Variants in LRRC18 observed in about 807,000 individuals in gnomAD.
LRRC18 encodes the protein leucine-rich repeat-containing protein 18.
In LRRC18, 12 loss-of-function variants were observed where a neutral mutation model predicts 11.2. The ratio of observed to expected loss-of-function variants is 1.07; its 90% CI spans 0.69 to 1.74. The LOEUF is 1.74. Ranked by LOEUF, LRRC18 falls within the 40% of genes most tolerant of loss-of-function variation. The pLI is 0.00. For synonymous variants in LRRC18, 155 were observed against 130.6 expected (o/e 1.19, Z -1.27); for missense variants, 374 against 330.5 (o/e 1.13, Z -1.02).
At chr10:48,928,771 C>T in the LRRC18 span, among the ~76,000 whole-genome samples, 4 of 152,176 alleles carry the variant, frequency 2.6e-5, no homozygotes, top group Non-Finnish European at 4.4e-5. Context: ...CTTTGCTGAC[C>T]GCCTATCACC....
At chr10:48,918,326 T>G (rs1838737631), upstream of LRRC18, among the ~76,000 whole-genome samples, 1 of 152,184 alleles carries the variant, frequency 6.6e-6, no homozygotes, top group Non-Finnish European at 1.5e-5. Context: ...AATTGTATGT[T>G]GTCTATAAAG....
chr10:48,911,345 C>A (rs1282639633), intron 1 of LRRC18, among the ~76,000 whole-genome samples: 1 of 152,226 alleles, frequency 6.6e-6, no homozygotes, highest in East Asian at 1.9e-4. Context: ...GTGTGTAAAC[C>A]TTTTATGAGC....
At chr10:48,929,857 A>T in the LRRC18 span, among the ~76,000 whole-genome samples, 2 of 152,156 alleles carry the variant, frequency 1.3e-5, no homozygotes, top group Non-Finnish European at 2.9e-5. Context: ...ATCAGACTTG[A>T]CAACTCTTCT....
At chr10:48,939,541 C>T in the LRRC18 span, among the ~76,000 whole-genome samples, 20 of 152,172 alleles carry the variant, frequency 1.3e-4, no homozygotes, top group Non-Finnish European at 2.9e-4. Context: ...ATTAGAAAGC[C>T]AAGAGCCATT....
At chr10:48,915,281 A>G (rs189294072), upstream of LRRC18, among the ~76,000 whole-genome samples, 5 of 152,328 alleles carry the variant, frequency 3.3e-5, no homozygotes, top group Admixed American at 3.3e-4. Flanking sequence ...CAAGGTCCAC[A>G]GCATTACCCT....
chr10:48,921,081 C>T, the LRRC18 span, among the ~76,000 whole-genome samples: 2 of 151,938 alleles, frequency 1.3e-5, no homozygotes, highest in African/African-American at 2.4e-5. Context: ...TTGGTCTAAT[C>T]AAAATTACAG....
chr10:48,924,799 A>C, the LRRC18 span, among the ~76,000 whole-genome samples: 1 of 152,266 alleles, frequency 6.6e-6, no homozygotes, highest in African/African-American at 2.4e-5. Flanking sequence ...AAGCATTTCC[A>C]GTTGTAAGAC....
At chr10:48,931,505 G>A in the LRRC18 span, among the ~76,000 whole-genome samples, 24 of 152,206 alleles carry the variant, frequency 1.6e-4, no homozygotes, top group African/African-American at 3.9e-4. Flanking sequence ...AGGGTGGCCC[G>A]TATTATGGTG....
At chr10:48,910,354 C>A (rs1837887629) in intron 1 of LRRC18, 96 bp from the exon 4 acceptor site, 1 of 1,083,026 alleles carries the variant, frequency 9.2e-7, no homozygotes, top group Non-Finnish European at 1.4e-6. Flanking sequence ...CAAGGTCATG[C>A]CTGACCTTCA....
upstream of LRRC18, among the ~76,000 whole-genome samples, chr10:48,918,229 T>C (rs1161523039): frequency 6.6e-6 from 1 of 152,148 alleles, no homozygotes; most frequent in East Asian, 1.9e-4. Context: ...AACTCAAACA[T>C]AGCAATACTT....
the LRRC18 span, among the ~76,000 whole-genome samples, chr10:48,933,122 C>T: frequency 1.3e-5 from 2 of 152,110 alleles, no homozygotes; most frequent in Non-Finnish European, 2.9e-5. Context: ...GAGGAGGGAC[C>T]ATGTGGATCC....
At chr10:48,913,142 C>G (rs7913620) in intron 1 of LRRC18, among the ~76,000 whole-genome samples, 43,465 of 152,164 alleles carry the variant, frequency 0.29, 7,530 homozygotes, top group East Asian at 0.71. Flanking sequence ...ACAGGCCCTT[C>G]CTGACTCACT....
the LRRC18 span, among the ~76,000 whole-genome samples, chr10:48,938,881 G>A: frequency 6.6e-6 from 1 of 152,182 alleles, no homozygotes; most frequent in African/African-American, 2.4e-5. Flanking sequence ...GGGTGGGAAG[G>A]GAGTGAAAGG....
the LRRC18 span, among the ~76,000 whole-genome samples, chr10:48,927,640 T>C: frequency 1.3e-5 from 2 of 152,208 alleles, no homozygotes; most frequent in African/African-American, 4.8e-5. Flanking sequence ...TACTTCTCTA[T>C]CCTTCGCACC....
At chr10:48,909,750 C>A in exon 2 of LRRC18, 1 of 156,432 alleles carries the variant, frequency 6.4e-6, no homozygotes, top group Non-Finnish European at 1.4e-5. Flanking sequence ...GAGGGACCCA[C>A]CCCCATGACC....
chr10:48,910,207 A>G, exon 2 of LRRC18: 2 of 1,177,272 alleles, frequency 1.7e-6, no homozygotes, highest in Non-Finnish European at 1.2e-6. Context: ...CTGTTAGCTG[A>G]GTAGTCTTCA....
At chr10:48,923,539 T>C in the LRRC18 span, among the ~76,000 whole-genome samples, 1 of 123,480 alleles carries the variant, frequency 8.1e-6, no homozygotes. Context: ...TAGTCCTGTA[T>C]TTTATTTGGC....
the LRRC18 span, among the ~76,000 whole-genome samples, chr10:48,923,506 A>ATATATATATATGTGTATG: frequency 8.7e-6 from 1 of 115,116 alleles, no homozygotes; most frequent in Non-Finnish European, 2.0e-5. Context: ...GTATATATAT[A>ATATATATATATGTGTATG]TATATATGTC....
the LRRC18 span, among the ~76,000 whole-genome samples, chr10:48,939,307 C>T: frequency 1.3e-5 from 2 of 152,248 alleles, no homozygotes; most frequent in African/African-American, 4.8e-5. Flanking sequence ...CGTGCCCACA[C>T]CAATGCTAGC....
Sources: allele counts gnomAD v4.1 joint callset (sites outside exome capture counted in the v4.1 genomes callset), GRCh38; gene constraint gnomAD v4.1.1; transcripts MANE v1.5; gene names NCBI Gene and HGNC (gene_info 2026-07-23, HGNC 2026-07-21).